Variants in TCF12 observed in about 807,000 individuals in gnomAD.
TCF12 encodes the protein transcription factor 12, also known as DNA-binding protein HTF4.
A neutral mutation model predicts 86.0 loss-of-function variants in TCF12; 45 were observed. The observed-to-expected ratio is 0.52, with a 90% CI of 0.41 to 0.67. The LOEUF is 0.67. Ranked by LOEUF, TCF12 falls within the 30% of genes least tolerant of loss-of-function variation. TCF12 has a pLI of 0.00. For synonymous variants in TCF12, 330 were observed against 299.6 expected, an observed-to-expected ratio of 1.10 and a Z score of -1.05; for missense variants, 881 against 859.9, an observed-to-expected ratio of 1.02 and a Z score of -0.31.
rs766001927 is a variant in TCF12 at position 57,286,615 on chromosome 15, G to T, written c.*470G>T. On this transcript the variant is annotated 3_prime_UTR_variant, in exon 21 of 21. Transcript: ENST00000333725. ...GCCAGCATACATTAAAGCGGTTCAC[G>T]TGCAGAGAACAAAGCAGTGACAACC... 1 of 456,566 alleles carries T rather than the reference G, an allele frequency of 2.2e-6. No individual in the cohort carries two copies. Among genetic ancestry groups the T allele is most frequent in the African/African-American group, 2.0e-5 (1 of 50,090 alleles). 28.3% of individuals were successfully genotyped at this position (456,566 alleles called of 1,614,324 possible).
At chr15:56,971,642 G>A (rs1356747501) in intron 3 of TCF12, among the ~76,000 whole-genome samples, 2 of 152,104 alleles carry the variant, frequency 1.3e-5, no homozygotes, top group African/African-American at 2.4e-5. Context: ...ATATTCTGTT[G>A]GAGTGGGAAA....
intron 3 of TCF12, among the ~76,000 whole-genome samples, chr15:56,932,579 T>G (rs1197436617): frequency 3.3e-5 from 5 of 152,010 alleles, no homozygotes; most frequent in African/African-American, 1.2e-4. Flanking sequence ...TTATTATTAT[T>G]ATTTTGGGAG....
intron 3 of TCF12, among the ~76,000 whole-genome samples, chr15:56,953,808 C>A (rs1245108283): frequency 1.4e-5 from 2 of 147,842 alleles, no homozygotes; most frequent in African/African-American, 5.0e-5. Flanking sequence ...TTTTCTTGAT[C>A]ACTGTGGCTA....
intron 5 of TCF12, chr15:57,129,788 CA>C (rs1178707063): frequency 6.6e-6 from 1 of 152,190 alleles, no homozygotes. Context: ...TCCAGTTTCA[CA>C]GATGAAGAAA....
At chr15:57,001,548 A>C (rs979783655) in intron 3 of TCF12, among the ~76,000 whole-genome samples, 1 of 152,136 alleles carries the variant, frequency 6.6e-6, no homozygotes, top group African/African-American at 2.4e-5. Context: ...TGATTGTTGC[A>C]TGTTTTAGTT....
At chr15:56,918,602 G>A (rs940837731), upstream of TCF12, 14 of 238,640 alleles carry the variant, frequency 5.9e-5, no homozygotes, top group African/African-American at 2.9e-4. Flanking sequence ...GGGAGGGAAG[G>A]GTTAACCCGC....
At chr15:57,116,196 T>C (rs1477357163) in intron 5 of TCF12, among the ~76,000 whole-genome samples, 6 of 152,222 alleles carry the variant, frequency 3.9e-5, no homozygotes, top group East Asian at 3.8e-4. Context: ...AAGCCTGTTT[T>C]TAACTATCAT....
intron 5 of TCF12, among the ~76,000 whole-genome samples, chr15:57,107,755 A>G (rs563362632): frequency 1.3e-5 from 2 of 152,038 alleles, no homozygotes; most frequent in South Asian, 4.2e-4. Context: ...TAAAATTTTA[A>G]GAAATGAGCT....
chr15:57,195,692 C>T (rs1048378711), intron 7 of TCF12, among the ~76,000 whole-genome samples: 3 of 152,164 alleles, frequency 2.0e-5, no homozygotes, highest in Admixed American at 2.0e-4. Flanking sequence ...GTAGAGAATT[C>T]CCAGTCCAAA....
chr15:57,121,563 A>G (rs180965877), intron 5 of TCF12, among the ~76,000 whole-genome samples: 41 of 152,220 alleles, frequency 2.7e-4, no homozygotes, highest in African/African-American at 9.4e-4. Flanking sequence ...CCACTCTTCT[A>G]CCCTGTGAGG....
chr15:57,213,972 A>T (rs2058225466), intron 8 of TCF12: 1 of 152,204 alleles, frequency 6.6e-6, no homozygotes, highest in South Asian at 2.1e-4. Flanking sequence ...GCATACACAC[A>T]CCTTTAGGCA....
intron 3 of TCF12, among the ~76,000 whole-genome samples, chr15:56,949,181 C>T (rs1479354945): frequency 6.6e-6 from 1 of 152,102 alleles, no homozygotes; most frequent in Non-Finnish European, 1.5e-5. Context: ...ATTGCATTGA[C>T]TTGTTGCATT....
In TCF12 at chr15:56,984,249, G is replaced by GGTGTGTGTGTGTGTGT. The variant is rs56221122; in HGVS notation, c.148+63181_148+63196dup. Among the ~76,000 whole-genome samples the GGTGTGTGTGTGTGTGT allele has an allele frequency of 4.9e-3, 609 of 123,042 alleles. 7 individuals carry two copies. The highest frequency in any genetic ancestry group is 8.1e-3 in the Middle Eastern group (2 of 246). 80.7% of individuals were successfully genotyped at this position (123,042 alleles called of 152,430 possible). Reference sequence around the variant, plus strand: ...ACAAATTTAGGAAAAGCATGTGCATGGTGTGTGTGTGTGTGTGTGTGTGTG... The same window carrying GGTGTGTGTGTGTGTGT: ...ACAAATTTAGGAAAAGCATGTGCATGGTGTGTGTGTGTGTGTGTGTGTGTGTGTGTGTGTGTGTGTG... On this transcript the variant is annotated intron_variant, in intron 3 of 20. Transcript: ENST00000333725.
intron 3 of TCF12, among the ~76,000 whole-genome samples, chr15:56,976,098 A>G (rs986025919): frequency 1.3e-5 from 2 of 152,028 alleles, no homozygotes; most frequent in African/African-American, 4.8e-5. Context: ...ACACTGGTGG[A>G]GGATGCTAAT....
chr15:57,078,453 A>G (rs2070332737), intron 4 of TCF12, among the ~76,000 whole-genome samples: 1 of 152,184 alleles, frequency 6.6e-6, no homozygotes, highest in South Asian at 2.1e-4. Context: ...GTTTATTAAT[A>G]TATTTTCAGA....
intron 3 of TCF12, among the ~76,000 whole-genome samples, chr15:57,045,257 G>T (rs1386374455): frequency 6.6e-6 from 1 of 152,154 alleles, no homozygotes; most frequent in Non-Finnish European, 1.5e-5. Flanking sequence ...AAAGTGTGTG[G>T]CATTCAAGAC....
At chr15:56,992,535 A>G (rs1245877673) in intron 3 of TCF12, among the ~76,000 whole-genome samples, 3 of 152,180 alleles carry the variant, frequency 2.0e-5, no homozygotes, top group Non-Finnish European at 4.4e-5. Context: ...ATTCTTACCT[A>G]ATCACCTGTA....
chr15:56,965,746 T>TC (rs1269544752), intron 3 of TCF12, among the ~76,000 whole-genome samples: 2 of 152,134 alleles, frequency 1.3e-5, no homozygotes, highest in Non-Finnish European at 2.9e-5. Context: ...TTAGGGATAT[T>TC]CCCCATTTGC....
chr15:57,133,324 A>C (rs1024183448), intron 5 of TCF12, among the ~76,000 whole-genome samples: 2 of 152,056 alleles, frequency 1.3e-5, no homozygotes, highest in Non-Finnish European at 2.9e-5. Flanking sequence ...ACTCGAAACA[A>C]CCCTGTATTA....
Sources: allele counts gnomAD v4.1 joint callset (sites outside exome capture counted in the v4.1 genomes callset), GRCh38; gene constraint gnomAD v4.1.1; transcripts MANE v1.5; gene names NCBI Gene and HGNC (gene_info 2026-07-23, HGNC 2026-07-21).